Variants in GMCL2 observed in about 807,000 individuals in gnomAD.
GMCL2 encodes the protein germ cell-less protein-like 2.
Under a neutral mutation model 36.2 loss-of-function variants are expected in GMCL2, and 33 were observed. The ratio of observed to expected loss-of-function variants is 0.91; its 90% CI spans 0.69 to 1.22. The LOEUF (loss-of-function observed/expected upper bound fraction) is 1.22. Among genes scored for constraint, GMCL2 ranks in the 50% most tolerant of loss-of-function variants. The probability of loss-of-function intolerance (pLI) is 0.00; values close to 1 mark genes in which losing one functional copy is unlikely to be tolerated. For synonymous variants in GMCL2, 172 were observed against 184.3 expected (o/e 0.93, Z 0.54); for missense variants, 478 against 514.5 (o/e 0.93, Z 0.69).
chr5:178,184,910 A>G lies in GMCL2; in HGVS notation c.*809T>C, dbSNP rs1756673100. On this transcript the variant is annotated 3_prime_UTR_variant, in exon 1 of 1. Transcript: ENST00000463439. The stretch of plus-strand genomic sequence containing the variant: ...ATTGTAAAGATCAGAGAATATTAAA[A>G]TATTTAAAAGTATAATATCTGGTAC... Among the ~76,000 whole-genome samples, 1 of 152,214 alleles carries G rather than the reference A, an allele frequency of 6.6e-6. No individual in the cohort carries two copies. The highest frequency in any genetic ancestry group is 2.4e-5 in the African/African-American group (1 of 41,454).
At chr5:178,186,708 G>A in the GMCL2 span, 2 of 1,423,504 alleles carry the variant, frequency 1.4e-6, no homozygotes, top group Non-Finnish European at 2.0e-6. Context: ...CCACACTGCT[G>A]TATTAAACCA....
chr5:178,186,945 A>G lies in GMCL2; in HGVS notation c.355T>C (p.Trp119Arg), dbSNP rs748493722. 1.3e-6 allele frequency: 2 copies of G among 1,521,568 alleles called. No homozygotes were observed. Among genetic ancestry groups the G allele is most frequent in the South Asian group, 1.1e-5 (1 of 89,290 alleles). 94.3% of individuals were successfully genotyped at this position (1,521,568 alleles called of 1,614,324 possible). Residue 119 changes from tryptophan (W) to arginine (R), a missense_variant, in exon 1 of 1, where the codon TGG becomes CGG. Trp to Arg is a moderately radical substitution (Grantham distance 101, BLOSUM62 -3). Transcript: ENST00000463439. ...CATAAATATATTTTGTGTAATCGCCATTCTTCTCCTAGAGCACAAATCTTA... is the reference window on the plus strand; with the variant it reads ...CATAAATATATTTTGTGTAATCGCCGTTCTTCTCCTAGAGCACAAATCTTA... The part of the protein sequence containing the change: ...DIKICALGEE[W>R]RLHKIYLCQS...
Position 178,187,086 on chromosome 5 carries a change from C to T in GMCL2, c.214G>A (p.Glu72Lys). 9.5e-7 allele frequency: 1 copy of T among 1,055,304 alleles called. No individual in the cohort carries two copies. Among genetic ancestry groups the T allele is most frequent in the Non-Finnish European group, 1.4e-6 (1 of 692,654 alleles). 65.4% of individuals were successfully genotyped at this position (1,055,304 alleles called of 1,614,324 possible). The change falls in exon 1 of 1, where the codon GAG becomes AAG. Residue 72 changes from glutamate (E) to lysine (K), a missense_variant. By Grantham distance (56) the Glu-to-Lys change is moderately conservative. This residue lies in a region of GMCL2 where 127 missense variants were observed against 86.4 expected (regional missense o/e 1.47). Coordinates refer to ENST00000463439, the MANE Select transcript of GMCL2 (RefSeq NM_001358008.2). Reference protein sequence around the residue: ...CDPDSHREEHEEEGDKQQPLL... With the variant: ...CDPDSHREEHKEEGDKQQPLL... ...GGCTGCTGCTTGTCCCCCTCCTCCT[C>T]ATGCTCCTCCCTGTGCGAGTCCGGG...
Position 178,187,174 on chromosome 5 carries a change from G to A in GMCL2, c.126C>T (p.Gly42=). The A allele has an allele frequency of 8.2e-7, 1 of 1,224,038 alleles. No individual in the cohort carries two copies. The highest frequency in any genetic ancestry group is 1.2e-6 in the Non-Finnish European group (1 of 849,096). The allele number at this position is 1,224,038 out of a possible 1,614,324, so 75.8% of individuals were successfully genotyped here. A position where few individuals can be genotyped will look rare whatever the true frequency, so the allele number is the denominator to read the frequency against. Residue 42 remains glycine (G), a synonymous_variant, in exon 1 of 1, where the codon GGC becomes GGT. Transcript: ENST00000463439. ...PDTGDDAASY[G]FCYCPGSHKR... Reference sequence around the variant, plus strand: ...TGTGACTGCCCGGGCAGTAACAGAAGCCGTAGCTCGCCGCATCGTCTCCAG... The same window carrying A: ...TGTGACTGCCCGGGCAGTAACAGAAACCGTAGCTCGCCGCATCGTCTCCAG...
rs775232565 is a variant in GMCL2 at position 178,185,828 on chromosome 5, A to C, written c.1472T>G (p.Leu491Trp). 8 of 956,430 alleles carry C rather than the reference A, an allele frequency of 8.4e-6. No individual in the cohort carries two copies. The highest frequency in any genetic ancestry group is 1.4e-5 in the Non-Finnish European group (8 of 584,986). The allele number at this position is 956,430 out of a possible 1,614,324, so 59.2% of individuals were successfully genotyped here. The change falls in exon 1 of 1, where the codon TTG (leucine) becomes TGG (tryptophan). Residue 491 changes from leucine (L) to tryptophan (W), a missense_variant. By Grantham distance (61) the Leu-to-Trp change is moderately conservative. This residue lies in a region of GMCL2 where 135 missense variants were observed against 119.0 expected (regional missense o/e 1.13). Coordinates refer to ENST00000463439, the MANE Select transcript of GMCL2 (RefSeq NM_001358008.2). The part of the protein sequence containing the change: ...KKDQEQVVMN[L>W]DSRFLTFPLY... ...AGGGAAGGTCAGAAACCTGCTGTCC[A>C]AGTTCATCACCACTTGTTCCTGATC...
Position 178,186,516 on chromosome 5 carries a change from C to G in GMCL2, c.784G>C (p.Gly262Arg), listed in dbSNP as rs777769155. The change falls in exon 1 of 1, where the codon GGT (glycine) becomes CGT (arginine). Residue 262 changes from glycine (G) to arginine (R), a missense_variant. Physicochemically the swap from Gly to Arg is moderately radical, Grantham distance 125 (BLOSUM62 -2). This residue lies in a region of GMCL2 where 175 missense variants were observed against 208.0 expected (regional missense o/e 0.84). Coordinates refer to ENST00000463439, the MANE Select transcript of GMCL2 (RefSeq NM_001358008.2). ...LGINVMKQLI[G>R]SSNLFVMQVE... Reference sequence around the variant, plus strand: ...TGCATCACAAATAAGTTAGAGGAACCAATGAGCTGTTTCATGACATTTATA... The same window carrying G: ...TGCATCACAAATAAGTTAGAGGAACGAATGAGCTGTTTCATGACATTTATA... 7.5e-7 allele frequency: 1 copy of G among 1,332,970 alleles called. No homozygotes were observed. The highest frequency in any genetic ancestry group is 1.1e-6 in the Non-Finnish European group (1 of 923,430). The allele number at this position is 1,332,970 out of a possible 1,614,324, so 82.6% of individuals were successfully genotyped here. A position where few individuals can be genotyped will look rare whatever the true frequency, so the allele number is the denominator to read the frequency against.
Position 178,186,634 on chromosome 5 carries a change from G to C in GMCL2, c.666C>G (p.Ile222Met), listed in dbSNP as rs1229342704. 9 of 1,135,656 alleles carry C rather than the reference G, an allele frequency of 7.9e-6. No homozygotes were observed. Among genetic ancestry groups the C allele is most frequent in the Non-Finnish European group, 1.2e-5 (9 of 743,212 alleles). 70.3% of individuals were successfully genotyped at this position (1,135,656 alleles called of 1,614,324 possible). A position where few individuals can be genotyped will look rare whatever the true frequency, so the allele number is the denominator to read the frequency against. ...TVCGYYTSVE[I>M]YGLDSVKKKC... is the part of the protein sequence containing the mutation. ...TTTTCTTTACAGAATCTAATCCATAGATCTCTACTGATGTGTAATAACCGC... is the reference window on the plus strand; with the variant it reads ...TTTTCTTTACAGAATCTAATCCATACATCTCTACTGATGTGTAATAACCGC... The change falls in exon 1 of 1, where the codon ATC becomes ATG. Residue 222 changes from isoleucine (I) to methionine (M), a missense_variant. By Grantham distance (10) the Ile-to-Met change is conservative. Around this residue, in one of 5 missense-constraint regions of GMCL2, gnomAD observed 175 missense variants for 208.0 expected, o/e 0.84. Transcript: ENST00000463439.
rs1051056860 is a variant in GMCL2, at chr5:178,186,845, A to C, written c.455T>G (p.Ile152Ser). The C allele has an allele frequency of 6.2e-7, 1 of 1,611,142 alleles. No individual in the cohort carries two copies. Among genetic ancestry groups the C allele is most frequent in the Non-Finnish European group, 8.5e-7 (1 of 1,177,230 alleles). The change falls in exon 1 of 1, where the codon ATT (isoleucine) becomes AGT (serine). Residue 152 changes from isoleucine to serine, a missense_variant. Around this residue, in one of 5 missense-constraint regions of GMCL2, gnomAD observed 175 missense variants for 208.0 expected, o/e 0.84. Coordinates refer to ENST00000463439, the MANE Select transcript of GMCL2 (RefSeq NM_001358008.2). ...GTCTACATCAATGTTCTGGTCAGGA[A>C]TCTCCAGTTCAATAATATTCATGCT... ...ESSMNIIELE[I>S]PDQNIDVDAL...
Position 178,186,162 on chromosome 5 carries a change from C to G in GMCL2, c.1138G>C (p.Val380Leu). 1.2e-6 allele frequency: 1 copy of G among 827,594 alleles called. No individual in the cohort carries two copies. The highest frequency in any genetic ancestry group is 1.7e-5 in the Admixed American group (1 of 58,896). 51.3% of individuals were successfully genotyped at this position (827,594 alleles called of 1,614,324 possible). ...TCTTTATTGATTTCTTGAGGCCCTA[C>G]CTCACGGTCTTGTTCTGCCCGCAGC... is the stretch of plus-strand genomic sequence containing the variant. ...AMLRAEQDRE[V>L]GPQEINKEDL... is the part of the protein sequence containing the mutation. Residue 380 changes from valine (V) to leucine (L), a missense_variant, in exon 1 of 1, where the codon GTA becomes CTA. Physicochemically the swap from Val to Leu is conservative, Grantham distance 32 (BLOSUM62 1). Coordinates refer to ENST00000463439, the MANE Select transcript of GMCL2 (RefSeq NM_001358008.2).
chr5:178,186,558 G>GT, the GMCL2 span: 29 of 1,278,882 alleles, frequency 2.3e-5, no homozygotes, highest in Non-Finnish European at 1.1e-6. Context: ...TCTTTAAAAA[G>GT]TTTAACATTC....
chr5:178,185,779 C>T lies in GMCL2; in HGVS notation c.1521G>A (p.Leu507=), dbSNP rs755956215. The T allele has an allele frequency of 3.2e-6, 3 of 947,998 alleles. No individual in the cohort carries two copies. The highest frequency in any genetic ancestry group is 1.3e-5 in the South Asian group (1 of 78,048). The allele number at this position is 947,998 out of a possible 1,614,324, so 58.7% of individuals were successfully genotyped here. Reference sequence around the variant, plus strand: ...CAATTCCTTTTTCTGGTGATATATACAAGAAGTTACAGCAGATATATAAAG... The same window carrying T: ...CAATTCCTTTTTCTGGTGATATATATAAGAAGTTACAGCAGATATATAAAG... ...TFPLYICCNF[L]YISPEKGIEN... The change falls in exon 1 of 1, where the codon TTG becomes TTA. Residue 507 remains leucine, a synonymous_variant. Transcript: ENST00000463439.
rs1264635025 is a variant in GMCL2, at chr5:178,184,988, C to A, written c.*731G>T. Among the ~76,000 whole-genome samples the A allele has an allele frequency of 1.3e-5, 2 of 152,096 alleles. No homozygotes were observed. Among genetic ancestry groups the A allele is most frequent in the Non-Finnish European group, 2.9e-5 (2 of 68,010 alleles). Reference sequence around the variant, plus strand: ...GGTGTACAGACTGTCAAAGAAAAGACCATGTAAGACAAGAAATATCCCTGG... The same window carrying A: ...GGTGTACAGACTGTCAAAGAAAAGAACATGTAAGACAAGAAATATCCCTGG... On this transcript the variant is annotated 3_prime_UTR_variant, in exon 1 of 1. Coordinates refer to ENST00000463439, the MANE Select transcript of GMCL2 (RefSeq NM_001358008.2).
In GMCL2 at chr5:178,187,056, G is replaced by C. The variant is rs1190397915; in HGVS notation, c.244C>G (p.Leu82Val). The change falls in exon 1 of 1, where the codon CTC becomes GTC. Residue 82 changes from leucine to valine, a missense_variant. This residue lies in a region of GMCL2 where 36 missense variants were observed against 78.1 expected (regional missense o/e 0.46). Coordinates refer to ENST00000463439, the MANE Select transcript of GMCL2 (RefSeq NM_001358008.2). ...EEEGDKQQPL[L>V]NTPARKKLRS... ...AATTTTTTCCTTGCAGGGGTGTTGAGGAGCGGCTGCTGCTTGTCCCCCTCC... is the reference window on the plus strand; with the variant it reads ...AATTTTTTCCTTGCAGGGGTGTTGACGAGCGGCTGCTGCTTGTCCCCCTCC... 5 of 1,124,482 alleles carry C rather than the reference G, an allele frequency of 4.4e-6. No individual in the cohort carries two copies. In the African/African-American group the frequency reaches 7.6e-5, roughly 17 times the overall value. The allele number at this position is 1,124,482 out of a possible 1,614,324, so 69.7% of individuals were successfully genotyped here.
rs1021788582 is a variant in GMCL2 at position 178,184,542 on chromosome 5, T to A, written c.*1177A>T. On this transcript the variant is annotated 3_prime_UTR_variant, in exon 1 of 1. Coordinates refer to ENST00000463439, the MANE Select transcript of GMCL2 (RefSeq NM_001358008.2). ...CGCATTTATTATTTGCACAGATACA[T>A]ACAAATTATTCCCATTTTAAAAGCC... Among the ~76,000 whole-genome samples the A allele has an allele frequency of 6.6e-6, 1 of 152,186 alleles. No individual in the cohort carries two copies. The highest frequency in any genetic ancestry group is 1.5e-5 in the Non-Finnish European group (1 of 68,036).
At position 178,187,348 on chromosome 5, in the gene GMCL2, GGCCATGGCCCGGCCGCC is replaced by G. The variant is rs1411699164; in HGVS notation, c.-66_-50del. 1 of 712,862 alleles carries G rather than the reference GGCCATGGCCCGGCCGCC, an allele frequency of 1.4e-6. No individual in the cohort carries two copies. 44.2% of individuals were successfully genotyped at this position (712,862 alleles called of 1,614,324 possible). Reference sequence around the variant, plus strand: ...AGGGAGCCCAGAGGAGGGGGTCTCTGGCCATGGCCCGGCCGCCGCCGCCAGCCTTCCCCGAGCACAGG... The same window carrying G: ...AGGGAGCCCAGAGGAGGGGGTCTCTGGCCGCCAGCCTTCCCCGAGCACAGG... On this transcript the variant is annotated 5_prime_UTR_variant, in exon 1 of 1. The change abolishes an upstream ATG in the 5' untranslated region. Transcript: ENST00000463439.
chr5:178,187,138 C>G lies in GMCL2; in HGVS notation c.162G>C (p.Arg54=). 1.7e-6 allele frequency: 2 copies of G among 1,155,078 alleles called. No individual in the cohort carries two copies. Among genetic ancestry groups the G allele is most frequent in the South Asian group, 2.6e-5 (2 of 76,548 alleles). 71.6% of individuals were successfully genotyped at this position (1,155,078 alleles called of 1,614,324 possible). ...CYCPGSHKRK[R]SSGACRYCDP... ...CACAGTAGCGGCAGGCCCCGCTGCT[C>G]CGCTTGCGCTTGTGACTGCCCGGGC... Residue 54 remains arginine, a synonymous_variant, in exon 1 of 1, where the codon CGG becomes CGC. Coordinates refer to ENST00000463439, the MANE Select transcript of GMCL2 (RefSeq NM_001358008.2).
rs750954324 is a variant in GMCL2, at chr5:178,185,741, T to C, written c.1559A>G (p.His520Arg). The C allele has an allele frequency of 6.1e-6, 5 of 822,190 alleles. No individual in the cohort carries two copies. Among genetic ancestry groups the C allele is most frequent in the East Asian group, 2.5e-5 (1 of 40,312 alleles). 50.9% of individuals were successfully genotyped at this position (822,190 alleles called of 1,614,324 possible). ...SPEKGIENNR[H>R]PENPEN is the part of the protein sequence containing the mutation. Reference sequence around the variant, plus strand: ...TCTTCAGTTTTCTGGATTTTCTGGGTGACGATTATTTTCAATTCCTTTTTC... The same window carrying C: ...TCTTCAGTTTTCTGGATTTTCTGGGCGACGATTATTTTCAATTCCTTTTTC... The change falls in exon 1 of 1, where the codon CAC (histidine) becomes CGC (arginine). Residue 520 changes from histidine (H) to arginine (R), a missense_variant. Physicochemically the swap from His to Arg is conservative, Grantham distance 29. Transcript: ENST00000463439.
At position 178,186,022 on chromosome 5, in the gene GMCL2, A is replaced by C. The variant is rs772026189; in HGVS notation, c.1278T>G (p.Asn426Lys). ...TATTGCGTTTGAAAATGATGTATCC[A>C]TTGGTGTAAATTACAAGTAGGTCAA... ...FGFDLLVIYT[N>K]GYIIFKRNTL... The change falls in exon 1 of 1, where the codon AAT (asparagine) becomes AAG (lysine). Residue 426 changes from asparagine (N) to lysine (K), a missense_variant. Coordinates refer to ENST00000463439, the MANE Select transcript of GMCL2 (RefSeq NM_001358008.2). 6.5e-6 allele frequency: 5 copies of C among 768,604 alleles called. No homozygotes were observed. Among genetic ancestry groups the C allele is most frequent in the Non-Finnish European group, 1.2e-5 (5 of 411,402 alleles). The allele number at this position is 768,604 out of a possible 1,614,324, so 47.6% of individuals were successfully genotyped here.
rs1232312833 is a variant in GMCL2, at chr5:178,186,240, T to C, written c.1060A>G (p.Ile354Val). 4 of 907,772 alleles carry C rather than the reference T, an allele frequency of 4.4e-6. No homozygotes were observed. The highest frequency in any genetic ancestry group is 2.4e-5 in the East Asian group (1 of 41,790). The allele number at this position is 907,772 out of a possible 1,614,324, so 56.2% of individuals were successfully genotyped here. A position where few individuals can be genotyped will look rare whatever the true frequency, so the allele number is the denominator to read the frequency against. Residue 354 changes from isoleucine (I) to valine (V), a missense_variant, in exon 1 of 1, where the codon ATA becomes GTA. By Grantham distance (29) the Ile-to-Val change is conservative. This residue lies in a region of GMCL2 where 135 missense variants were observed against 119.0 expected (regional missense o/e 1.13). Transcript: ENST00000463439. The stretch of plus-strand genomic sequence containing the variant: ...GAAGACAGCCATTCTGAAGGTACTA[T>C]ACCATCTTGTTCAATAATTCTTGCA... The part of the protein sequence containing the change: ...ASARIIEQDG[I>V]VPSEWLSSVY...
Sources: gnomAD v4.1 joint callset for allele counts (sites outside exome capture counted in the v4.1 genomes callset) on GRCh38, gnomAD v4.1.1 for gene constraint, gnomAD v4.1.1 regional missense constraint, MANE v1.5 for transcripts, NCBI Gene and HGNC (gene_info 2026-07-23, HGNC 2026-07-21) for gene names.